RAD54L2: variants seen among roughly 807,000 people sequenced by gnomAD.
The protein encoded by RAD54L2 is RAD54 like 2, also known as helicase ARIP4.
A neutral mutation model predicts 138.4 loss-of-function variants in RAD54L2; 27 were observed. The observed-to-expected ratio is 0.20, with a 90% CI of 0.14 to 0.27. RAD54L2 has a LOEUF of 0.27. RAD54L2 is among the 10% of genes least tolerant of loss of function. RAD54L2 has a pLI of 1.00. For missense variants in RAD54L2, 1,396 were observed against 1,890.2 expected (o/e 0.74, Z 4.85); for synonymous variants, 644 against 723.2 (o/e 0.89, Z 1.76).
intron 2 of RAD54L2, among the ~76,000 whole-genome samples, chr3:51,562,803 C>T (rs1699128424): frequency 6.6e-6 from 1 of 152,108 alleles, no homozygotes; most frequent in African/African-American, 2.4e-5. Context: ...TAAGCCACCA[C>T]ACCCAGCTTG....
chr3:51,608,869 G>A (rs1337028182), intron 3 of RAD54L2, among the ~76,000 whole-genome samples: 3 of 152,158 alleles, frequency 2.0e-5, no homozygotes, highest in African/African-American at 7.2e-5. Flanking sequence ...AGAGGCAGAG[G>A]GAGGGGCAGG....
chr3:51,663,381 G>T lies in RAD54L2; in HGVS notation c.4365G>T (p.Glu1455Asp). ...AEVGFSSNDD[E>D]DKDDDVIEVT... ...TTGGGTTCAGCTCCAATGATGATGA[G>T]GATAAAGACGATGATGTGATAGAGG... The change falls in exon 23 of 23, where the codon GAG becomes GAT. Residue 1455 changes from glutamate (E) to aspartate (D), a missense_variant. Glu to Asp is a conservative substitution (Grantham distance 45). Transcript: ENST00000684192. The T allele has an allele frequency of 6.2e-7, 1 of 1,613,774 alleles. No individual in the cohort carries two copies.
intron 19 of RAD54L2, among the ~76,000 whole-genome samples, chr3:51,647,069 C>T (rs978102715): frequency 7.9e-5 from 12 of 151,328 alleles, no homozygotes; most frequent in Non-Finnish European, 1.5e-5. Flanking sequence ...TTTTTAATTT[C>T]AAGACAGTGC....
intron 2 of RAD54L2, among the ~76,000 whole-genome samples, chr3:51,557,366 G>T (rs943536642): frequency 1.3e-5 from 2 of 151,412 alleles, no homozygotes; most frequent in Admixed American, 1.3e-4. Flanking sequence ...AATTTATGTA[G>T]AGATGGGGTC....
In RAD54L2 at chr3:51,630,838, C is replaced by G; in HGVS notation, c.732C>G (p.Ala244=). ...ATGATGTCTTAAACCAGCGTGACGC[C>G]CTTGGGCGGGTCCTTGTCAACCTAA... ...HVNDVLNQRD[A]LGRVLVNLNH... The change falls in exon 7 of 23, where the codon GCC becomes GCG. Residue 244 remains alanine, a synonymous_variant. Coordinates refer to ENST00000684192, the MANE Select transcript of RAD54L2 (RefSeq NM_015106.4). 6.2e-7 allele frequency: 1 copy of G among 1,614,026 alleles called. No homozygotes were observed. The highest frequency in any genetic ancestry group is 8.5e-7 in the Non-Finnish European group (1 of 1,179,896).
At position 51,663,429 on chromosome 3, in the gene RAD54L2, C is replaced by G. The variant is rs1445598358; in HGVS notation, c.*9C>G. On this transcript the variant is annotated 3_prime_UTR_variant, in exon 23 of 23. Transcript: ENST00000684192. ...AGGTCACTGGGAAATAGCTAGGGAG[C>G]CCCTCCCCACCTCACTTGGGGCCCC... is the stretch of plus-strand genomic sequence containing the variant. 2.5e-6 allele frequency: 4 copies of G among 1,603,184 alleles called. No homozygotes were observed. In the African/African-American group the frequency reaches 5.4e-5, roughly 22 times the overall value.
At chr3:51,551,462 G>C (rs1413366198) in intron 2 of RAD54L2, among the ~76,000 whole-genome samples, 1 of 149,682 alleles carries the variant, frequency 6.7e-6, no homozygotes, top group Non-Finnish European at 1.5e-5. Flanking sequence ...TTTAGGTGGA[G>C]TCTCACTTTG....
intron 7 of RAD54L2, among the ~76,000 whole-genome samples, chr3:51,632,098 C>T (rs1380785879): frequency 3.3e-5 from 5 of 152,162 alleles, no homozygotes; most frequent in Admixed American, 6.5e-5. Context: ...CTGTGCCTGG[C>T]GGGTTTCATT....
intron 4 of RAD54L2, among the ~76,000 whole-genome samples, chr3:51,628,789 C>T (rs1223284111): frequency 1.3e-5 from 2 of 151,956 alleles, no homozygotes; most frequent in South Asian, 2.1e-4. Flanking sequence ...AGTCTTGGCT[C>T]ATTGCAACCT....
chr3:51,607,086 A>T (rs1378343622), intron 3 of RAD54L2, among the ~76,000 whole-genome samples: 12 of 135,140 alleles, frequency 8.9e-5, no homozygotes, highest in South Asian at 2.4e-4. Flanking sequence ...TTATTTTTTT[A>T]TTTTTTATTT....
chr3:51,626,420 C>T (rs374729479), intron 3 of RAD54L2, among the ~76,000 whole-genome samples: 28 of 124,434 alleles, frequency 2.3e-4, no homozygotes, highest in African/African-American at 8.5e-4. Flanking sequence ...ATGACATCCC[C>T]TGGACCCCCA....
chr3:51,597,107 G>A (rs551169903), intron 3 of RAD54L2, among the ~76,000 whole-genome samples: 158 of 146,792 alleles, frequency 1.1e-3, no homozygotes, highest in African/African-American at 3.9e-3. Flanking sequence ...GGAGGTTACA[G>A]TGAGCCGAGA....
At chr3:51,635,293 C>CAA (rs1184879326) in intron 9 of RAD54L2, among the ~76,000 whole-genome samples, 2 of 152,166 alleles carry the variant, frequency 1.3e-5, no homozygotes, top group Non-Finnish European at 2.9e-5. Context: ...GCCTGAATAT[C>CAA]CAAGGGGGTT....
chr3:51,638,041 C>A lies in RAD54L2; in HGVS notation c.1683-103C>A. 9.1e-7 allele frequency: 1 copy of A among 1,103,102 alleles called. No homozygotes were observed. The highest frequency in any genetic ancestry group is 1.3e-6 in the Non-Finnish European group (1 of 761,450). The allele number at this position is 1,103,102 out of a possible 1,614,324, so 68.3% of individuals were successfully genotyped here. A position where few individuals can be genotyped will look rare whatever the true frequency, so the allele number is the denominator to read the frequency against. ...AGGCTGCAGTGCATGTTGAGATCCT[C>A]AAGAGGGAGGTGTGGCAGGAGTGCA... On this transcript the variant is annotated intron_variant, in intron 11 of 22. Coordinates refer to ENST00000684192, the MANE Select transcript of RAD54L2 (RefSeq NM_015106.4). The surrounding 1 kb of genome is among the most constrained non-coding windows in gnomAD (Gnocchi z 4.3).
Position 51,630,941 on chromosome 3 carries a change from A to G in RAD54L2, c.825+10A>G. ...TGTGAAACCTCATCAGGTACAGCAA[A>G]CCTTGACTGTTTTCTCCTTTTCCTT... On this transcript the variant is annotated intron_variant, in intron 7 of 22. Transcript: ENST00000684192. 1 of 1,595,898 alleles carries G rather than the reference A, an allele frequency of 6.3e-7. No homozygotes were observed. The highest frequency in any genetic ancestry group is 8.6e-7 in the Non-Finnish European group (1 of 1,164,776).
At chr3:51,648,762 CA>C (rs540263123) in intron 19 of RAD54L2, among the ~76,000 whole-genome samples, 3 of 152,182 alleles carry the variant, frequency 2.0e-5, no homozygotes, top group Non-Finnish European at 4.4e-5. Flanking sequence ...TCAACATCAA[CA>C]GAAAGGACAT....
chr3:51,576,665 T>C (rs1297114812), intron 2 of RAD54L2, among the ~76,000 whole-genome samples: 2 of 152,166 alleles, frequency 1.3e-5, no homozygotes, highest in Non-Finnish European at 2.9e-5. Flanking sequence ...CTGATGGTAG[T>C]TTGTATTTCT....
intron 3 of RAD54L2, among the ~76,000 whole-genome samples, chr3:51,622,716 G>A (rs1306709367): frequency 6.6e-6 from 1 of 152,162 alleles, no homozygotes; most frequent in East Asian, 1.9e-4. Flanking sequence ...AGAGGGTTGG[G>A]AGTAGTCTTA....
At position 51,641,123 on chromosome 3, in the gene RAD54L2, C is replaced by G. The variant is rs141701935; in HGVS notation, c.2232-626C>G. 1.1e-4 allele frequency among the ~76,000 whole-genome samples: 17 copies of G among 152,030 alleles called. No homozygotes were observed. In the East Asian group the frequency reaches 3.3e-3, roughly 29 times the overall value. Reference sequence around the variant, plus strand: ...GTTCAAACGATTCTCCTGCTTCAGCCTCCTGAGTAGCTGGGACCACAGGCA... The same window carrying G: ...GTTCAAACGATTCTCCTGCTTCAGCGTCCTGAGTAGCTGGGACCACAGGCA... On this transcript the variant is annotated intron_variant, in intron 14 of 22. Coordinates refer to ENST00000684192, the MANE Select transcript of RAD54L2 (RefSeq NM_015106.4).
Sources: gnomAD v4.1 joint callset for allele counts (sites outside exome capture counted in the v4.1 genomes callset) on GRCh38, gnomAD v4.1.1 for gene constraint, Gnocchi (gnomAD v3.1) non-coding constraint, MANE v1.5 for transcripts, NCBI Gene and HGNC (gene_info 2026-07-23, HGNC 2026-07-21) for gene names.